SGPP1: variants seen among roughly 807,000 people sequenced by gnomAD.
SGPP1 encodes the protein sphingosine-1-phosphate phosphatase 1.
A neutral mutation model predicts 33.0 loss-of-function variants in SGPP1; 21 were observed. That is an observed-to-expected ratio of 0.64 (90% CI 0.45 to 0.92). The LOEUF (loss-of-function observed/expected upper bound fraction) is 0.92. Among genes scored for constraint, SGPP1 ranks in the 40% least tolerant of loss-of-function variants. The pLI, the probability that SGPP1 is intolerant of heterozygous loss-of-function variation, is 0.00. For missense variants in SGPP1, 543 were observed against 589.4 expected (o/e 0.92, Z 0.81); for synonymous variants, 239 against 241.2 (o/e 0.99, Z 0.08).
At chr14:63,705,910 C>A (rs897419504) in intron 1 of SGPP1, among the ~76,000 whole-genome samples, 1 of 152,150 alleles carries the variant, frequency 6.6e-6, no homozygotes, top group Non-Finnish European at 1.5e-5. Flanking sequence ...TACCATACGA[C>A]CCACACATTT....
chr14:63,710,401 T>C (rs1435247094), intron 1 of SGPP1, among the ~76,000 whole-genome samples: 1 of 152,254 alleles, frequency 6.6e-6, no homozygotes, highest in Non-Finnish European at 1.5e-5. Flanking sequence ...TATGAGTTTA[T>C]AGAGCTACAT....
intron 2 of SGPP1, among the ~76,000 whole-genome samples, chr14:63,695,398 A>C (rs1885169062): frequency 6.6e-6 from 1 of 152,168 alleles, no homozygotes; most frequent in Non-Finnish European, 1.5e-5. Flanking sequence ...GGTGCCCTGG[A>C]TCCAGTTTAA....
intron 1 of SGPP1, among the ~76,000 whole-genome samples, chr14:63,718,990 A>ATG (rs1885693400): frequency 6.3e-5 from 1 of 15,908 alleles, no homozygotes; most frequent in Admixed American, 5.0e-4. Flanking sequence ...ATATATATAT[A>ATG]TATATATATA....
intron 1 of SGPP1, among the ~76,000 whole-genome samples, chr14:63,708,281 A>T (rs1372717370): frequency 6.2e-5 from 5 of 81,234 alleles, no homozygotes; most frequent in African/African-American, 1.5e-4. Context: ...TTTGAGATGG[A>T]GTTTCCCTCT....
rs1207348606 is a variant in SGPP1, at chr14:63,698,686, T to G, written c.685-28A>C. 3 of 1,251,160 alleles carry G rather than the reference T, an allele frequency of 2.4e-6. 1 individual carries two copies. The South Asian group carries it at 4.1e-5, about 17-fold the overall frequency. The allele number at this position is 1,251,160 out of a possible 1,614,324, so 77.5% of individuals were successfully genotyped here. Reference sequence around the variant, plus strand: ...AAAGGGGAAAAAAAGTAAAATTAGTTAAACAAATTTAAGTTAGATATAAAC... The same window carrying G: ...AAAGGGGAAAAAAAGTAAAATTAGTGAAACAAATTTAAGTTAGATATAAAC... On this transcript the variant is annotated intron_variant, in intron 1 of 2. Transcript: ENST00000247225.
chr14:63,692,513 G>A (rs1885109731), intron 2 of SGPP1, among the ~76,000 whole-genome samples: 1 of 151,816 alleles, frequency 6.6e-6, no homozygotes. Context: ...GTAGTGGCGT[G>A]GTCATAGCTC....
chr14:63,693,318 T>C (rs1885123696), intron 2 of SGPP1, among the ~76,000 whole-genome samples: 1 of 152,244 alleles, frequency 6.6e-6, no homozygotes, highest in South Asian at 2.1e-4. Context: ...TTACCCTTAC[T>C]TCCCTACCTT....
chr14:63,727,575 T>A lies in SGPP1; in HGVS notation c.370A>T (p.Ser124Cys). ...AACAGGCAGTAGAGCGGCCAGTTGC[T>A]CACGCGGGCCAGCTGGCCCTCCTCG... ...TGEEGQLARV[S>C]NWPLYCLFCF... The change falls in exon 1 of 3, where the codon AGC (serine) becomes TGC (cysteine). Residue 124 changes from serine (S) to cysteine (C), a missense_variant. Coordinates refer to ENST00000247225, the MANE Select transcript of SGPP1 (RefSeq NM_030791.4). 4.4e-6 allele frequency: 7 copies of A among 1,598,660 alleles called. No individual in the cohort carries two copies. The highest frequency in any genetic ancestry group is 6.0e-6 in the Non-Finnish European group (7 of 1,174,072).
chr14:63,688,167 T>C (rs963217466), intron 2 of SGPP1, among the ~76,000 whole-genome samples: 3 of 150,794 alleles, frequency 2.0e-5, no homozygotes, highest in Non-Finnish European at 4.4e-5. Flanking sequence ...CATACAAAAA[T>C]TAGCCGGGCA....
chr14:63,722,149 T>C (rs1202477106), intron 1 of SGPP1, among the ~76,000 whole-genome samples: 1 of 152,016 alleles, frequency 6.6e-6, no homozygotes, highest in African/African-American at 2.4e-5. Flanking sequence ...ATGCTAGTAA[T>C]AGGAACATTG....
intron 1 of SGPP1, among the ~76,000 whole-genome samples, chr14:63,724,930 T>A (rs1434190710): frequency 6.7e-6 from 1 of 148,160 alleles, no homozygotes; most frequent in Admixed American, 6.8e-5. Context: ...GGAGGGAGGA[T>A]AACTTGAGCC....
In SGPP1 at chr14:63,688,746, G is replaced by T. The variant is rs753364326; in HGVS notation, c.775-2090C>A. 1.5e-3 allele frequency among the ~76,000 whole-genome samples: 214 copies of T among 146,418 alleles called. 2 individuals carry two copies. The highest frequency in any genetic ancestry group is 2.8e-3 in the Non-Finnish European group (187 of 67,256). On this transcript the variant is annotated intron_variant, in intron 2 of 2. Coordinates refer to ENST00000247225, the MANE Select transcript of SGPP1 (RefSeq NM_030791.4). ...TTTTCTTTTTTTTTTTTTTGAGATG[G>T]AGTCTCGCTCTGTTGCCCAGGCTGG... is the stretch of plus-strand genomic sequence containing the variant.
chr14:63,716,419 G>A (rs140368676), intron 1 of SGPP1, among the ~76,000 whole-genome samples: 2,016 of 152,002 alleles, frequency 0.013, 51 homozygotes, highest in African/African-American at 0.041. Flanking sequence ...GCTTGAATCC[G>A]GGGGGTGGAG....
rs1049924339 is a variant in SGPP1 at position 63,698,588 on chromosome 14, A to T, written c.755T>A (p.Met252Lys). ...CSLVCLSRIYMGMHSILDIIA... is the reference protein window; with the variant it reads ...CSLVCLSRIYKGMHSILDIIA... ...CCTTACCAGAATAGAGTGCATTCCC[A>T]TGTAAATTCTACTTAGGCAAACTAG... The change falls in exon 2 of 3, where the codon ATG (methionine) becomes AAG (lysine). Residue 252 changes from methionine to lysine, a missense_variant. Physicochemically the swap from Met to Lys is moderately conservative, Grantham distance 95. Transcript: ENST00000247225. 2.5e-6 allele frequency: 4 copies of T among 1,587,026 alleles called. No individual in the cohort carries two copies. The highest frequency in any genetic ancestry group is 3.5e-6 in the Non-Finnish European group (4 of 1,159,144).
Position 63,727,737 on chromosome 14 carries a change from C to T in SGPP1, c.208G>A (p.Gly70Arg). The change falls in exon 1 of 3, where the codon GGG becomes AGG. Residue 70 changes from glycine (G) to arginine (R), a missense_variant. Gly to Arg is a moderately radical substitution (Grantham distance 125, BLOSUM62 -2). Coordinates refer to ENST00000247225, the MANE Select transcript of SGPP1 (RefSeq NM_030791.4). ...PGAPGGPQPP[G>R]SDRNQCPAKP... ...GCCGGGCACTGATTGCGGTCGCTCC[C>T]GGGAGGCTGGGGGCCTCCAGGCGCC... The T allele has an allele frequency of 4.1e-6, 6 of 1,462,710 alleles. No individual in the cohort carries two copies. The African/African-American group carries it at 4.4e-5, about 11-fold the overall frequency. 90.6% of individuals were successfully genotyped at this position (1,462,710 alleles called of 1,614,324 possible). A position where few individuals can be genotyped will look rare whatever the true frequency, so the allele number is the denominator to read the frequency against.
rs139976890 is a variant in SGPP1 at position 63,708,324 on chromosome 14, C to T, written c.685-9666G>A. On this transcript the variant is annotated intron_variant, in intron 1 of 2. Transcript: ENST00000247225. ...CAGGCTGGAGTGCAATGCCCCATCT[C>T]GGTTTACTGCAACCTCCGCCTCCTG... Among the ~76,000 whole-genome samples the T allele has an allele frequency of 5.6e-3, 793 of 142,322 alleles. 10 individuals are homozygous for T. The highest frequency in any genetic ancestry group is 0.02 in the African/African-American group (770 of 37,880). The allele number at this position is 142,322 out of a possible 152,430, so 93.4% of individuals were successfully genotyped here. A position where few individuals can be genotyped will look rare whatever the true frequency, so the allele number is the denominator to read the frequency against.
chr14:63,689,578 C>G (rs920696376), intron 2 of SGPP1, among the ~76,000 whole-genome samples: 2 of 151,974 alleles, frequency 1.3e-5, no homozygotes, highest in Admixed American at 1.3e-4. Context: ...GGGAGGATCA[C>G]CTGAGGTCAG....
At chr14:63,704,480 T>C (rs1427157107) in intron 1 of SGPP1, among the ~76,000 whole-genome samples, 4 of 152,214 alleles carry the variant, frequency 2.6e-5, no homozygotes, top group African/African-American at 9.6e-5. Flanking sequence ...AATGATGAAG[T>C]TGGACTCCTA....
intron 1 of SGPP1, among the ~76,000 whole-genome samples, chr14:63,716,352 G>A (rs1052035410): frequency 2.0e-5 from 3 of 151,824 alleles, no homozygotes; most frequent in African/African-American, 4.8e-5. Context: ...AAATTACCTG[G>A]GTGTGGTGGC....
Sources: gnomAD v4.1 joint callset for allele counts (sites outside exome capture counted in the v4.1 genomes callset) on GRCh38, gnomAD v4.1.1 for gene constraint, MANE v1.5 for transcripts, NCBI Gene and HGNC (gene_info 2026-07-23, HGNC 2026-07-21) for gene names.